Variants in MYO1E observed in about 807,000 individuals in gnomAD.
MYO1E encodes the protein myosin IE.
MYO1E carries 68 observed loss-of-function variants against 151.1 expected under a neutral mutation model. That is an observed-to-expected ratio of 0.45 (90% CI 0.37 to 0.55). The LOEUF is 0.55. Ranked by LOEUF, MYO1E falls within the 20% of genes least tolerant of loss-of-function variation. The pLI is 0.00. For missense variants in MYO1E, 1,363 were observed against 1,389.3 expected, an observed-to-expected ratio of 0.98 and a Z score of 0.30; for synonymous variants, 601 against 501.7, an observed-to-expected ratio of 1.20 and a Z score of -2.64.
At chr15:59,285,671 A>G (rs968006965) in intron 1 of MYO1E, among the ~76,000 whole-genome samples, 2 of 152,206 alleles carry the variant, frequency 1.3e-5, no homozygotes, top group South Asian at 4.1e-4. Context: ...TAAAAAAAAT[A>G]ATAAAATCAA....
intron 1 of MYO1E, among the ~76,000 whole-genome samples, chr15:59,275,602 C>A (rs1596396084): frequency 1.3e-5 from 2 of 152,174 alleles, no homozygotes; most frequent in African/African-American, 4.8e-5. Flanking sequence ...GACCACTCCT[C>A]ACTATGCATT....
At chr15:59,260,770 T>A (rs1298666287) in intron 3 of MYO1E, among the ~76,000 whole-genome samples, 1 of 152,168 alleles carries the variant, frequency 6.6e-6, no homozygotes, top group African/African-American at 2.4e-5. Flanking sequence ...ATTGCTCTAT[T>A]TTTTTACCCA....
intron 26 of MYO1E, among the ~76,000 whole-genome samples, chr15:59,140,554 C>T (rs750622051): frequency 3.3e-5 from 5 of 152,194 alleles, no homozygotes; most frequent in African/African-American, 1.2e-4. Flanking sequence ...TAGGTCTGTG[C>T]ACATCATTCA....
chr15:59,261,317 T>C, intron 3 of MYO1E, 103 bp downstream of exon 3: 1 of 646,244 alleles, frequency 1.5e-6, no homozygotes, highest in Non-Finnish European at 2.7e-6. Context: ...CAATAAAAAA[T>C]TCATAATAGA....
chr15:59,181,083 C>T (rs374586981), intron 18 of MYO1E, among the ~76,000 whole-genome samples: 7 of 152,162 alleles, frequency 4.6e-5, no homozygotes, highest in East Asian at 1.9e-4. Context: ...ATGTTTCTGA[C>T]CTCGGAGGAC....
intron 1 of MYO1E, among the ~76,000 whole-genome samples, chr15:59,278,369 AATGGGATTTTTCTG>A (rs1200700500): frequency 3.3e-5 from 5 of 152,206 alleles, no homozygotes; most frequent in Non-Finnish European, 7.3e-5. Flanking sequence ...CTTGTTTTGT[AATGGGATTTTTCTG>A]TCTCCGTGAG....
At chr15:59,190,655 C>A (rs1285803666) in intron 17 of MYO1E, among the ~76,000 whole-genome samples, 1 of 152,224 alleles carries the variant, frequency 6.6e-6, no homozygotes, top group Non-Finnish European at 1.5e-5. Context: ...CACGATGCAA[C>A]TTCTCTGTGC....
intron 18 of MYO1E, among the ~76,000 whole-genome samples, chr15:59,180,388 G>C (rs1446160363): frequency 1.3e-5 from 2 of 152,146 alleles, no homozygotes; most frequent in Admixed American, 1.3e-4. Context: ...AGAAGGAAAA[G>C]ACTATAGACT....
At chr15:59,248,486 CAAAAAAAAAAAAAAAA>C (rs71119447) in intron 4 of MYO1E, among the ~76,000 whole-genome samples, 197 of 57,060 alleles carry the variant, frequency 3.5e-3, no homozygotes, top group African/African-American at 0.014. Flanking sequence ...GACTCCATCT[CAAAAAAAAAAAAAAAA>C]AAAAAAAAGT....
intron 1 of MYO1E, among the ~76,000 whole-genome samples, chr15:59,273,204 G>A (rs1422373672): frequency 4.6e-5 from 7 of 152,284 alleles, no homozygotes; most frequent in African/African-American, 1.7e-4. Flanking sequence ...CCTCATCTAC[G>A]TCTGGGATTT....
At chr15:59,297,269 G>A (rs2080455847) in intron 1 of MYO1E, among the ~76,000 whole-genome samples, 1 of 149,008 alleles carries the variant, frequency 6.7e-6, no homozygotes, top group Non-Finnish European at 1.5e-5. Flanking sequence ...TACCACATTT[G>A]TCAGAATTTT....
chr15:59,190,716 T>C (rs569660601), intron 17 of MYO1E, among the ~76,000 whole-genome samples: 1 of 152,342 alleles, frequency 6.6e-6, no homozygotes, highest in Admixed American at 6.5e-5. Context: ...AAATTCTTTA[T>C]TTCTAGACGA....
intron 1 of MYO1E, among the ~76,000 whole-genome samples, chr15:59,295,895 G>A (rs774243150): frequency 5.3e-5 from 8 of 152,070 alleles, no homozygotes; most frequent in Non-Finnish European, 4.4e-5. Context: ...CACTTACTGC[G>A]GGGTTATTAT....
intron 16 of MYO1E, 24 bp downstream of exon 16, chr15:59,202,302 T>C (rs2079807076): frequency 1.2e-6 from 2 of 1,604,072 alleles, no homozygotes; most frequent in East Asian, 2.2e-5. Flanking sequence ...TAAGAATCTA[T>C]AAACTTCCTA....
intron 1 of MYO1E, among the ~76,000 whole-genome samples, chr15:59,369,299 A>G (rs554519985): frequency 3.0e-4 from 46 of 152,348 alleles, no homozygotes; most frequent in African/African-American, 1.1e-3. Flanking sequence ...GGAAAAGGGA[A>G]CAGCTCTTGA....
At chr15:59,365,466 T>C (rs2080907773) in intron 1 of MYO1E, among the ~76,000 whole-genome samples, 2 of 152,166 alleles carry the variant, frequency 1.3e-5, no homozygotes, top group Non-Finnish European at 2.9e-5. Context: ...AAGAAAAACC[T>C]TATTAGACTG....
At chr15:59,187,131 T>A (rs1170316228) in intron 18 of MYO1E, among the ~76,000 whole-genome samples, 1 of 152,240 alleles carries the variant, frequency 6.6e-6, no homozygotes, top group Non-Finnish European at 1.5e-5. Flanking sequence ...GGCACAATTA[T>A]CAAGAATTCT....
intron 1 of MYO1E, among the ~76,000 whole-genome samples, chr15:59,312,142 C>T (rs2414626): frequency 6.6e-6 from 1 of 152,208 alleles, no homozygotes; most frequent in South Asian, 2.1e-4. Flanking sequence ...CTGTGCTTGG[C>T]TCTGTGCTAA....
chr15:59,208,288 T>C (rs764262107), intron 14 of MYO1E: 51 of 587,720 alleles, frequency 8.7e-5, no homozygotes, highest in Middle Eastern at 4.6e-4. Flanking sequence ...CTAAGTATTT[T>C]TGGTACCTCT....
Sources: allele counts gnomAD v4.1 joint callset (sites outside exome capture counted in the v4.1 genomes callset), GRCh38; gene constraint gnomAD v4.1.1; transcripts MANE v1.5; gene names NCBI Gene and HGNC (gene_info 2026-07-23, HGNC 2026-07-21).